ATP2B1: variants seen among roughly 807,000 people sequenced by gnomAD.
The protein encoded by ATP2B1 is ATPase plasma membrane Ca2+ transporting 1.
Under a neutral mutation model 124.2 loss-of-function variants are expected in ATP2B1, and 14 were observed. The ratio of observed to expected loss-of-function variants is 0.11; its 90% CI spans 0.07 to 0.18. The LOEUF (loss-of-function observed/expected upper bound fraction) is 0.18. Ranked by LOEUF, ATP2B1 falls within the 10% of genes least tolerant of loss-of-function variation. The probability of loss-of-function intolerance (pLI) is 1.00; values close to 1 mark genes in which losing one functional copy is unlikely to be tolerated. For synonymous variants in ATP2B1, 449 were observed against 492.4 expected, an observed-to-expected ratio of 0.91 and a Z score of 1.17; for missense variants, 763 against 1,466.1, an observed-to-expected ratio of 0.52 and a Z score of 7.83.
intron 11 of ATP2B1, among the ~76,000 whole-genome samples, chr12:89,617,766 A>T (rs1243923096): frequency 6.6e-6 from 1 of 152,160 alleles, no homozygotes; most frequent in African/African-American, 2.4e-5. Context: ...ACTGCTGAAA[A>T]ATTCTACCCA....
intron 1 of ATP2B1, among the ~76,000 whole-genome samples, chr12:89,703,201 T>C (rs1024838381): frequency 2.6e-5 from 4 of 152,176 alleles, no homozygotes; most frequent in Non-Finnish European, 5.9e-5. Flanking sequence ...AAAAAACAAC[T>C]GCATTTCAAA....
At chr12:89,628,111 G>A (rs539887343) in intron 6 of ATP2B1, among the ~76,000 whole-genome samples, 10 of 151,836 alleles carry the variant, frequency 6.6e-5, no homozygotes, top group African/African-American at 1.2e-4. Flanking sequence ...GTTATAAAAC[G>A]ACAACGGGCA....
intron 3 of ATP2B1, among the ~76,000 whole-genome samples, chr12:89,640,278 G>C (rs565003794): frequency 2.8e-4 from 43 of 152,124 alleles, no homozygotes; most frequent in African/African-American, 8.9e-4. Flanking sequence ...ATAAATAAAA[G>C]TTTAAAAAAT....
chr12:89,689,836 T>C (rs1270653491), intron 1 of ATP2B1, among the ~76,000 whole-genome samples: 1 of 152,170 alleles, frequency 6.6e-6, no homozygotes, highest in Non-Finnish European at 1.5e-5. Context: ...AAATATTTTC[T>C]GAATATCAAA....
At chr12:89,661,317 A>G (rs1241291592) in intron 1 of ATP2B1, among the ~76,000 whole-genome samples, 2 of 152,206 alleles carry the variant, frequency 1.3e-5, no homozygotes, top group African/African-American at 4.8e-5. Flanking sequence ...AATCAAAATA[A>G]AACACTATTT....
At chr12:89,698,031 C>T (rs570586880) in intron 1 of ATP2B1, among the ~76,000 whole-genome samples, 13 of 152,248 alleles carry the variant, frequency 8.5e-5, no homozygotes, top group Admixed American at 5.2e-4. Flanking sequence ...CCACTACGCC[C>T]GGCTAATTTT....
At position 89,708,598 on chromosome 12, in the gene ATP2B1, C is replaced by A. The variant is rs1317500669; in HGVS notation, c.-224G>T. 4 of 151,840 alleles carry A rather than the reference C, an allele frequency of 2.6e-5. No homozygotes were observed. Among genetic ancestry groups the A allele is most frequent in the Non-Finnish European group, 4.4e-5 (3 of 67,920 alleles). The allele number at this position is 151,840 out of a possible 1,614,324, so 9.4% of individuals were successfully genotyped here. ...GGCGGGCGGCGGCCGCCACTCACCT[C>A]GCCCGGCAGTGGGAACCATTTTCCG... On this transcript the variant is annotated splice_region_variant and 5_prime_UTR_variant, in exon 1 of 21. Transcript: ENST00000428670.
intron 5 of ATP2B1, among the ~76,000 whole-genome samples, chr12:89,633,267 C>T (rs993203483): frequency 2.0e-5 from 3 of 151,832 alleles, no homozygotes; most frequent in Non-Finnish European, 4.4e-5. Flanking sequence ...AAGAAAAATC[C>T]AAACAGGGTG....
intron 2 of ATP2B1, among the ~76,000 whole-genome samples, chr12:89,643,065 TACACAC>T (rs145355576): frequency 1.7e-4 from 25 of 143,634 alleles, no homozygotes; most frequent in South Asian, 4.4e-4. Context: ...TAAAGATACA[TACACAC>T]ACACACACAC....
chr12:89,664,533 A>AC (rs1887068998), intron 1 of ATP2B1, among the ~76,000 whole-genome samples: 2 of 152,218 alleles, frequency 1.3e-5, no homozygotes, highest in African/African-American at 4.8e-5. Context: ...CTCTGAATTT[A>AC]CCAAAACCAG....
rs1237629201 is a variant in ATP2B1, at chr12:89,603,091, A to G, written c.3012T>C (p.Phe1004=). 1.9e-6 allele frequency: 3 copies of G among 1,613,996 alleles called. No homozygotes were observed. Among genetic ancestry groups the G allele is most frequent in the Admixed American group, 1.7e-5 (1 of 60,028 alleles). ...HGERNVFEGI[F]NNAIFCTIVL... The stretch of plus-strand genomic sequence containing the variant: ...CAATTGTGCAGAAGATGGCATTGTT[A>G]AAGATTCCTTCGAATACATTTCTTT... Residue 1004 remains phenylalanine (F), a synonymous_variant, in exon 18 of 21, where the codon TTT becomes TTC. Coordinates refer to ENST00000428670, the MANE Select transcript of ATP2B1 (RefSeq NM_001366521.1). This position sits in a 1 kb window ranked among gnomAD's most constrained non-coding sequence, Gnocchi z 4.3.
rs1046804052 is a variant in ATP2B1 at position 89,708,781 on chromosome 12, C to A, written c.-407G>T. The A allele has an allele frequency of 1.2e-4, 18 of 151,844 alleles. No homozygotes were observed. The highest frequency in any genetic ancestry group is 2.0e-4 in the Admixed American group (3 of 15,260). The allele number at this position is 151,844 out of a possible 1,614,324, so 9.4% of individuals were successfully genotyped here. A position where few individuals can be genotyped will look rare whatever the true frequency, so the allele number is the denominator to read the frequency against. ...AGCTGCACCTCGGGGATGGGGCGGC[C>A]AAGGAGCCGAGAGGCTCGGCGTCCA... On this transcript the variant is annotated 5_prime_UTR_variant, in exon 1 of 21. Transcript: ENST00000428670.
intron 19 of ATP2B1, 47 bp from the exon 20 acceptor site, chr12:89,599,346 G>A (rs1012280325): frequency 3.2e-6 from 5 of 1,583,870 alleles, no homozygotes; most frequent in Non-Finnish European, 4.3e-6. Context: ...ATCAAGTAAA[G>A]GTAAGCTGAT....
At chr12:89,665,826 CATGCTT>C (rs1485730373) in intron 1 of ATP2B1, among the ~76,000 whole-genome samples, 1 of 152,182 alleles carries the variant, frequency 6.6e-6, no homozygotes, top group Non-Finnish European at 1.5e-5. Context: ...CCTACACTTA[CATGCTT>C]AAGGAAACAG....
At chr12:89,628,857 CGGCCACAGTCCA>C (rs896443333) in intron 6 of ATP2B1, among the ~76,000 whole-genome samples, 5 of 152,116 alleles carry the variant, frequency 3.3e-5, no homozygotes, top group African/African-American at 1.2e-4. Flanking sequence ...AGAGACCAGA[CGGCCACAGTCCA>C]GGCCACTGAG....
At chr12:89,653,642 C>A (rs1042637445) in intron 2 of ATP2B1, among the ~76,000 whole-genome samples, 1 of 152,180 alleles carries the variant, frequency 6.6e-6, no homozygotes, top group Non-Finnish European at 1.5e-5. Flanking sequence ...AGAGATTATC[C>A]ATAGCTTCCA....
intron 2 of ATP2B1, among the ~76,000 whole-genome samples, chr12:89,651,675 G>A (rs781534475): frequency 1.3e-5 from 2 of 151,964 alleles, no homozygotes; most frequent in South Asian, 4.1e-4. Context: ...AATTACTATA[G>A]AGAAGAGGGA....
chr12:89,609,922 T>A lies in ATP2B1; in HGVS notation c.2442+15A>T. 1 of 1,603,238 alleles carries A rather than the reference T, an allele frequency of 6.2e-7. No individual in the cohort carries two copies. Among genetic ancestry groups the A allele is most frequent in the Non-Finnish European group, 8.5e-7 (1 of 1,172,122 alleles). On this transcript the variant is annotated intron_variant, in intron 15 of 20. Coordinates refer to ENST00000428670, the MANE Select transcript of ATP2B1 (RefSeq NM_001366521.1). ...AGTAAATTACGTTTGGATATTTGAATGAGTAAATTCTTACCATTGCAAATC... is the reference window on the plus strand; with the variant it reads ...AGTAAATTACGTTTGGATATTTGAAAGAGTAAATTCTTACCATTGCAAATC...
At chr12:89,643,298 G>C (rs1883942148) in intron 2 of ATP2B1, among the ~76,000 whole-genome samples, 1 of 151,600 alleles carries the variant, frequency 6.6e-6, no homozygotes, top group South Asian at 2.1e-4. Flanking sequence ...TATAGATATA[G>C]ATACAGATTT....
Sources: allele counts gnomAD v4.1 joint callset (sites outside exome capture counted in the v4.1 genomes callset), GRCh38; gene constraint gnomAD v4.1.1; non-coding constraint Gnocchi (gnomAD v3.1); transcripts MANE v1.5; gene names NCBI Gene and HGNC (gene_info 2026-07-23, HGNC 2026-07-21).